Variants in ANXA8 observed in about 807,000 individuals in gnomAD.
ANXA8 encodes VAC-beta.
ANXA8 carries 9 observed loss-of-function variants against 26.8 expected under a neutral mutation model. The observed-to-expected ratio is 0.34, with a 90% CI of 0.20 to 0.59. The LOEUF is 0.59. Ranked by LOEUF, ANXA8 falls within the 20% of genes least tolerant of loss-of-function variation. The pLI is 0.84. For synonymous variants in ANXA8, 39 were observed against 94.8 expected (o/e 0.41, Z 3.42); for missense variants, 83 against 238.5 (o/e 0.35, Z 4.29).
the ANXA8 span, among the ~76,000 whole-genome samples, chr10:47,768,690 G>A: frequency 6.6e-6 from 1 of 151,696 alleles, no homozygotes; most frequent in Admixed American, 6.6e-5. Flanking sequence ...CTCCAGCCCA[G>A]AGAGTGGGGG....
the ANXA8 span, among the ~76,000 whole-genome samples, chr10:47,743,343 T>TATATATATACACATATATATATAC: frequency 6.8e-5 from 1 of 14,768 alleles, no homozygotes; most frequent in African/African-American, 1.5e-4. Context: ...TATATATACA[T>TATATATATACACATATATATATAC]ATATATATAT....
At chr10:47,682,079 T>C in the ANXA8 span, among the ~76,000 whole-genome samples, 1 of 150,752 alleles carries the variant, frequency 6.6e-6, no homozygotes, top group East Asian at 1.9e-4. Flanking sequence ...ACATGGGTTC[T>C]CTGTCTTACC....
At chr10:47,593,505 C>T in the ANXA8 span, among the ~76,000 whole-genome samples, 1 of 149,738 alleles carries the variant, frequency 6.7e-6, no homozygotes, top group East Asian at 1.9e-4. Flanking sequence ...AAGCATGCAC[C>T]AAGACCCCAC....
chr10:47,489,544 TCCTC>T, the ANXA8 span: 1 of 599,972 alleles, frequency 1.7e-6, no homozygotes, highest in East Asian at 2.9e-5. Context: ...TAGCTTCCCT[TCCTC>T]CCTCCCTCCT....
the ANXA8 span, among the ~76,000 whole-genome samples, chr10:47,550,014 G>A: frequency 6.6e-6 from 1 of 151,676 alleles, no homozygotes. Context: ...CTACTCAGGA[G>A]GCTAAGGTAG....
chr10:47,664,443 C>T, the ANXA8 span, among the ~76,000 whole-genome samples: 1 of 151,480 alleles, frequency 6.6e-6, no homozygotes, highest in Non-Finnish European at 1.5e-5. Flanking sequence ...TGGCGGGTGC[C>T]TGTAATCCCA....
chr10:47,551,758 A>T, the ANXA8 span: 1 of 317,464 alleles, frequency 3.1e-6, no homozygotes, highest in African/African-American at 2.2e-5. Context: ...GAAAGGATCG[A>T]GACATCCACA....
At chr10:47,657,869 G>C in the ANXA8 span, among the ~76,000 whole-genome samples, 9 of 151,098 alleles carry the variant, frequency 6.0e-5, no homozygotes, top group African/African-American at 2.0e-4. Context: ...GGCAAACATA[G>C]ACCTATTTAT....
At chr10:47,720,435 T>A in the ANXA8 span, among the ~76,000 whole-genome samples, 1 of 146,868 alleles carries the variant, frequency 6.8e-6, no homozygotes, top group Non-Finnish European at 1.5e-5. Context: ...CACCTCTGAG[T>A]TGTTGTGGAA....
the ANXA8 span, among the ~76,000 whole-genome samples, chr10:47,666,182 GC>G: frequency 4.2e-3 from 314 of 75,432 alleles, no homozygotes; most frequent in East Asian, 0.022. Context: ...CCTCTTACCC[GC>G]CCCCCCCATC....
At chr10:47,623,962 C>G in the ANXA8 span, among the ~76,000 whole-genome samples, 1 of 97,528 alleles carries the variant, frequency 1.0e-5, no homozygotes, top group Non-Finnish European at 2.2e-5. Flanking sequence ...GGTGGCCGGG[C>G]GCAGTGGCTG....
chr10:47,705,052 G>C, the ANXA8 span, among the ~76,000 whole-genome samples: 1 of 151,976 alleles, frequency 6.6e-6, no homozygotes, highest in Non-Finnish European at 1.5e-5. Context: ...GATCTCTTGA[G>C]GCAAAGAGTT....
chr10:47,959,441 C>CCTGG, the ANXA8 span, among the ~76,000 whole-genome samples: 14 of 149,832 alleles, frequency 9.3e-5, no homozygotes, highest in Non-Finnish European at 2.1e-4. Context: ...CAGAGTGTGT[C>CCTGG]ACACATTGGA....
the ANXA8 span, among the ~76,000 whole-genome samples, chr10:47,566,553 G>C: frequency 2.0e-5 from 3 of 148,894 alleles, no homozygotes; most frequent in African/African-American, 7.4e-5. Context: ...ACCAGCTCTA[G>C]GCACCAAATC....
chr10:47,595,400 C>T, the ANXA8 span, among the ~76,000 whole-genome samples: 4 of 147,548 alleles, frequency 2.7e-5, no homozygotes, highest in African/African-American at 8.0e-5. Flanking sequence ...GGAACACAAT[C>T]TCACATATCA....
chr10:47,483,182 T>A (rs1187975720), intron 1 of ANXA8, among the ~76,000 whole-genome samples: 5 of 151,146 alleles, frequency 3.3e-5, no homozygotes, highest in African/African-American at 1.2e-4. Flanking sequence ...AGCCCCGGGT[T>A]CCTCCAGGCT....
the ANXA8 span, among the ~76,000 whole-genome samples, chr10:47,623,944 A>G: frequency 1.9e-4 from 19 of 99,306 alleles, no homozygotes; most frequent in Non-Finnish European, 3.2e-4. Flanking sequence ...CTGACTTAAA[A>G]GTAAAAAGGT....
the ANXA8 span, chr10:47,501,817 T>C: frequency 5.6e-6 from 3 of 535,818 alleles, no homozygotes; most frequent in African/African-American, 1.9e-5. Flanking sequence ...TTTATCTAAA[T>C]ACATAATACA....
the ANXA8 span, among the ~76,000 whole-genome samples, chr10:47,955,530 T>C: frequency 2.7e-5 from 4 of 150,250 alleles, no homozygotes; most frequent in South Asian, 8.4e-4. Context: ...CTGTACTGAA[T>C]ACTGCAGGCA....
Sources: allele counts gnomAD v4.1 joint callset (sites outside exome capture counted in the v4.1 genomes callset), GRCh38; gene constraint gnomAD v4.1.1; transcripts MANE v1.5; gene names NCBI Gene and HGNC (gene_info 2026-07-23, HGNC 2026-07-21).